Variants in ROBO2 observed in about 807,000 individuals in gnomAD.
ROBO2 encodes the protein roundabout homolog 2.
Under a neutral mutation model 160.8 loss-of-function variants are expected in ROBO2, and 53 were observed. The ratio of observed to expected loss-of-function variants is 0.33; its 90% confidence interval spans 0.26 to 0.41. ROBO2 has a LOEUF of 0.41. Among genes scored for constraint, ROBO2 ranks in the 10% least tolerant of loss-of-function variants. ROBO2 has a pLI of 1.00. For missense variants in ROBO2, 1,577 were observed against 1,722.4 expected (o/e 0.92, Z 1.49); for synonymous variants, 664 against 611.7 (o/e 1.09, Z -1.26).
chr3:76,053,797 C>T (rs529822463), intron 2 of ROBO2, among the ~76,000 whole-genome samples: 87 of 152,110 alleles, frequency 5.7e-4, no homozygotes, highest in Admixed American at 3.2e-3. Flanking sequence ...ATCCTGGCTT[C>T]CTGATGATAT....
rs995082051 is a variant in ROBO2 at position 76,959,051 on chromosome 3, C to T, written c.110-138963C>T. Among the ~76,000 whole-genome samples the T allele has an allele frequency of 5.3e-5, 8 of 152,246 alleles. No homozygotes were observed. In the Middle Eastern group the frequency reaches 0.01, roughly 194 times the overall value. ...TACAACATTAACTGTTAGAACACAA[C>T]ATTTTTCATGTTGGAAACATCTGGA... On this transcript the variant is annotated intron_variant, in intron 2 of 26. Coordinates refer to the ROBO2 transcript ENST00000487694.
chr3:76,834,635 G>A (rs1045685051), intron 2 of ROBO2, among the ~76,000 whole-genome samples: 1 of 152,054 alleles, frequency 6.6e-6, no homozygotes, highest in African/African-American at 2.4e-5. Context: ...CAAAGTACTG[G>A]AATTACAGGC....
intron 2 of ROBO2, among the ~76,000 whole-genome samples, chr3:76,649,144 G>T (rs946418555): frequency 1.3e-5 from 2 of 152,038 alleles, no homozygotes; most frequent in Non-Finnish European, 2.9e-5. Context: ...TTTGGAAGCA[G>T]AAAAATGTGG....
At chr3:76,828,943 C>T (rs17014774) in intron 2 of ROBO2, among the ~76,000 whole-genome samples, 2 of 151,878 alleles carry the variant, frequency 1.3e-5, no homozygotes, top group Non-Finnish European at 2.9e-5. Flanking sequence ...CTTTGCCTAC[C>T]TCCTTCTTGC....
intron 2 of ROBO2, among the ~76,000 whole-genome samples, chr3:76,041,405 C>T (rs779868437): frequency 7.9e-5 from 12 of 152,052 alleles, no homozygotes; most frequent in Non-Finnish European, 1.5e-4. Flanking sequence ...GGAAGTTACA[C>T]AACTCATTCC....
intron 2 of ROBO2, among the ~76,000 whole-genome samples, chr3:76,932,899 G>A (rs893832820): frequency 2.7e-5 from 4 of 150,920 alleles, no homozygotes; most frequent in East Asian, 3.9e-4. Flanking sequence ...AGCTGCCCCC[G>A]CCCCGGCCCC....
chr3:77,376,857 C>G (rs1216122359), intron 2 of ROBO2, among the ~76,000 whole-genome samples: 1 of 152,160 alleles, frequency 6.6e-6, no homozygotes, highest in African/African-American at 2.4e-5. Context: ...CCATTTCTAC[C>G]CTTTCTATTA....
chr3:76,454,540 A>G lies in ROBO2; in HGVS notation c.109+516938A>G, dbSNP rs559064362. Among the ~76,000 whole-genome samples the G allele has an allele frequency of 7.2e-5, 11 of 152,236 alleles. No individual in the cohort carries two copies. In the East Asian group the frequency reaches 1.5e-3, roughly 21 times the overall value. On this transcript the variant is annotated intron_variant, in intron 2 of 26. Coordinates refer to the ROBO2 transcript ENST00000487694. ...ACGTTGGGGTAAGATCAGATTGAAC[A>G]CTAATTTCATCCTTTACTGACTGCT...
chr3:77,198,914 A>C (rs1349362940), intron 2 of ROBO2, among the ~76,000 whole-genome samples: 2 of 152,160 alleles, frequency 1.3e-5, no homozygotes, highest in Non-Finnish European at 2.9e-5. Flanking sequence ...AAAAAAAAGA[A>C]AAAAGAAAAA....
intron 2 of ROBO2, among the ~76,000 whole-genome samples, chr3:77,318,320 C>T (rs186881518): frequency 3.7e-4 from 57 of 152,282 alleles, no homozygotes; most frequent in African/African-American, 1.3e-3. Flanking sequence ...AGGCGTGAGC[C>T]ACCACGCCCA....
exon 22 of ROBO2, chr3:77,617,712 C>T (rs2094811637): frequency 6.2e-7 from 1 of 1,614,036 alleles, no homozygotes. Context: ...GCAACCCATG[C>T]TGCAGGCTCA....
intron 2 of ROBO2, among the ~76,000 whole-genome samples, chr3:76,705,023 A>C (rs909373053): frequency 3.3e-5 from 5 of 152,152 alleles, no homozygotes; most frequent in African/African-American, 1.2e-4. Flanking sequence ...TTTGTACCAC[A>C]TACAGCCTCT....
intron 2 of ROBO2, among the ~76,000 whole-genome samples, chr3:76,403,980 G>C (rs1559891690): frequency 6.6e-6 from 1 of 151,620 alleles, no homozygotes; most frequent in South Asian, 2.1e-4. Flanking sequence ...CTGAGTTTCA[G>C]TTCTGACTCT....
intron 5 of ROBO2, among the ~76,000 whole-genome samples, chr3:77,516,300 A>C (rs2090009970): frequency 6.6e-6 from 1 of 151,634 alleles, no homozygotes; most frequent in African/African-American, 2.4e-5. Flanking sequence ...AATTTTTAAA[A>C]TGGGGGAAAT....
intron 4 of ROBO2, among the ~76,000 whole-genome samples, chr3:77,486,703 G>A (rs754588687): frequency 2.2e-4 from 34 of 151,814 alleles, no homozygotes; most frequent in East Asian, 5.8e-4. Flanking sequence ...ATTTTCTCCC[G>A]TTGTGTAGGT....
At chr3:76,745,726 T>A (rs532873534) in intron 2 of ROBO2, among the ~76,000 whole-genome samples, 1 of 151,970 alleles carries the variant, frequency 6.6e-6, no homozygotes, top group Non-Finnish European at 1.5e-5. Context: ...CTCTGCATTT[T>A]CTGCAGAATT....
intron 2 of ROBO2, among the ~76,000 whole-genome samples, chr3:76,818,454 A>G (rs924264444): frequency 2.7e-5 from 4 of 150,804 alleles, no homozygotes; most frequent in Admixed American, 6.6e-5. Flanking sequence ...TTGTCTTTTT[A>G]CTCTGCTGAT....
chr3:76,483,540 C>T (rs781482048), intron 2 of ROBO2, among the ~76,000 whole-genome samples: 3 of 152,070 alleles, frequency 2.0e-5, no homozygotes, highest in Non-Finnish European at 4.4e-5. Flanking sequence ...CTACCATATG[C>T]AGAATCCATA....
intron 2 of ROBO2, among the ~76,000 whole-genome samples, chr3:76,072,164 C>T (rs2068480224): frequency 6.6e-6 from 1 of 152,076 alleles, no homozygotes; most frequent in Admixed American, 6.6e-5. Context: ...CTCTGTCACA[C>T]TACAATCTAA....
Sources: gnomAD v4.1 joint callset for allele counts (sites outside exome capture counted in the v4.1 genomes callset) on GRCh38, gnomAD v4.1.1 for gene constraint, MANE v1.5 for transcripts, NCBI Gene and HGNC (gene_info 2026-07-23, HGNC 2026-07-21) for gene names.